GRIK3: variants seen among roughly 807,000 people sequenced by gnomAD.
The protein encoded by GRIK3 is glutamate receptor ionotropic, kainate 3.
A neutral mutation model predicts 102.5 loss-of-function variants in GRIK3; 29 were observed. The ratio of observed to expected loss-of-function variants is 0.28; its 90% confidence interval spans 0.21 to 0.39. The LOEUF (loss-of-function observed/expected upper bound fraction) is 0.39, where lower values mean the gene tolerates loss of function less well. GRIK3 is among the 10% of genes least tolerant of loss of function. The pLI is 1.00. For missense variants in GRIK3, 908 were observed against 1,252.4 expected (o/e 0.73, Z 4.15); for synonymous variants, 511 against 504.9 (o/e 1.01, Z -0.16).
intron 1 of GRIK3, among the ~76,000 whole-genome samples, chr1:36,968,419 G>A (rs1489709965): frequency 1.3e-5 from 2 of 152,142 alleles, no homozygotes; most frequent in African/African-American, 2.4e-5. Context: ...CATAAGGCAG[G>A]TCAGAAGCAC....
intron 13 of GRIK3, among the ~76,000 whole-genome samples, chr1:36,814,574 A>G (rs1215743337): frequency 6.9e-6 from 1 of 144,848 alleles, no homozygotes; most frequent in Non-Finnish European, 1.5e-5. Flanking sequence ...ATACATCCAG[A>G]CATATATACA....
intron 10 of GRIK3, among the ~76,000 whole-genome samples, chr1:36,830,425 A>G (rs1391597970): frequency 6.6e-6 from 1 of 151,708 alleles, no homozygotes. Flanking sequence ...TTATTTGGAA[A>G]TAAGGTTTTT....
intron 1 of GRIK3, among the ~76,000 whole-genome samples, chr1:36,973,107 A>G (rs956037353): frequency 6.6e-6 from 1 of 152,190 alleles, no homozygotes; most frequent in Non-Finnish European, 1.5e-5. Flanking sequence ...ATCTCCAGGC[A>G]GTCCCTTCAT....
intron 1 of GRIK3, among the ~76,000 whole-genome samples, chr1:36,918,751 T>C (rs1641433824): frequency 6.6e-6 from 1 of 152,184 alleles, no homozygotes; most frequent in South Asian, 2.1e-4. Context: ...TTGTGTGACC[T>C]TCAAGAGATG....
At chr1:36,949,870 C>A (rs1189291587) in intron 1 of GRIK3, among the ~76,000 whole-genome samples, 3 of 152,148 alleles carry the variant, frequency 2.0e-5, no homozygotes, top group Admixed American at 1.3e-4. Flanking sequence ...TAAGCCACCA[C>A]GCCTGGCCCT....
At chr1:36,836,567 G>A (rs958556114) in intron 10 of GRIK3, among the ~76,000 whole-genome samples, 1 of 152,220 alleles carries the variant, frequency 6.6e-6, no homozygotes, top group African/African-American at 2.4e-5. Context: ...GCGGATGTGT[G>A]GGTGGTGCAA....
intron 1 of GRIK3, among the ~76,000 whole-genome samples, chr1:37,024,676 G>A (rs1642749417): frequency 6.7e-6 from 1 of 148,584 alleles, no homozygotes; most frequent in Non-Finnish European, 1.5e-5. Context: ...CCAGGAAGTG[G>A]AGGTTGCAGT....
rs144041190 is a variant in GRIK3 at position 36,909,277 on chromosome 1, G to T, written c.116-18181C>A. ...AGTATTTACACCACAGAAATAAGCA[G>T]ATACTACAAATCAGGGCTTTTTTTT... On this transcript the variant is annotated intron_variant, in intron 1 of 15. Transcript: ENST00000373091. Among the ~76,000 whole-genome samples, 39 of 150,888 alleles carry T rather than the reference G, an allele frequency of 2.6e-4. 1 individual carries two copies. In the East Asian group the frequency reaches 6.6e-3, roughly 26 times the overall value.
At chr1:36,812,147 C>T (rs759909067) in intron 13 of GRIK3, among the ~76,000 whole-genome samples, 5 of 152,070 alleles carry the variant, frequency 3.3e-5, no homozygotes, top group Non-Finnish European at 7.4e-5. Context: ...TTCCTAGGCC[C>T]TCCAGCTCAA....
At chr1:37,027,152 C>A (rs1467204952) in intron 1 of GRIK3, among the ~76,000 whole-genome samples, 2 of 151,966 alleles carry the variant, frequency 1.3e-5, no homozygotes, top group African/African-American at 2.4e-5. Flanking sequence ...GGAGAAGGAC[C>A]TGGGCAGCTG....
chr1:36,924,668 C>A (rs1022414305), intron 1 of GRIK3, among the ~76,000 whole-genome samples: 2 of 152,284 alleles, frequency 1.3e-5, no homozygotes, highest in African/African-American at 4.8e-5. Context: ...TAGCTGTTTA[C>A]CCTGGGAAAG....
intron 1 of GRIK3, among the ~76,000 whole-genome samples, chr1:36,959,924 GTGTGCCCCATGACTC>G (rs1557442107): frequency 4.8e-5 from 3 of 62,598 alleles, no homozygotes; most frequent in African/African-American, 4.9e-5. Flanking sequence ...CTGTGAGCCT[GTGTGCCCCATGACTC>G]TGTGCCCTGT....
At chr1:36,846,738 T>TA (rs1640524037) in intron 9 of GRIK3, among the ~76,000 whole-genome samples, 1 of 152,214 alleles carries the variant, frequency 6.6e-6, no homozygotes, top group South Asian at 2.1e-4. Context: ...GAGCATCCCC[T>TA]AGGGCTCCAA....
chr1:36,835,585 T>C lies in GRIK3; in HGVS notation c.1530+6151A>G, dbSNP rs181403415. Among the ~76,000 whole-genome samples, 231 of 152,298 alleles carry C rather than the reference T, an allele frequency of 1.5e-3. 1 individual carries two copies. Among genetic ancestry groups the C allele is most frequent in the African/African-American group, 5.2e-3 (217 of 41,554 alleles). On this transcript the variant is annotated intron_variant, in intron 10 of 15. Transcript: ENST00000373091. Reference sequence around the variant, plus strand: ...CTTTCCCTGGCATCACAACCCCTAATTGAGTAATGGCATAATCCCCTGCCT... The same window carrying C: ...CTTTCCCTGGCATCACAACCCCTAACTGAGTAATGGCATAATCCCCTGCCT...
intron 1 of GRIK3, among the ~76,000 whole-genome samples, chr1:36,967,041 G>A (rs1557445062): frequency 6.6e-6 from 1 of 152,220 alleles, no homozygotes; most frequent in Admixed American, 6.5e-5. Context: ...TTATTACTAA[G>A]TATCAGGTCT....
chr1:36,841,986 G>T, intron 9 of GRIK3, 47 bp from the exon 10 acceptor site: 2 of 1,486,974 alleles, frequency 1.3e-6, no homozygotes, highest in African/African-American at 1.4e-5. Flanking sequence ...AGCAGCTAGG[G>T]CGGAGGCAGG....
intron 3 of GRIK3, among the ~76,000 whole-genome samples, chr1:36,876,014 A>G (rs1640909570): frequency 6.6e-6 from 1 of 152,222 alleles, no homozygotes; most frequent in Non-Finnish European, 1.5e-5. Context: ...TGAGCTATAC[A>G]GGATTGTCTT....
intron 1 of GRIK3, among the ~76,000 whole-genome samples, chr1:36,947,910 T>C (rs1029154401): frequency 6.6e-6 from 1 of 151,962 alleles, no homozygotes; most frequent in African/African-American, 2.4e-5. Context: ...TTCATGGCCA[T>C]CTCCGTGGGT....
intron 2 of GRIK3, among the ~76,000 whole-genome samples, chr1:36,890,290 C>A (rs1003605016): frequency 4.6e-5 from 7 of 152,048 alleles, no homozygotes; most frequent in African/African-American, 1.7e-4. Flanking sequence ...TGGTGAAACC[C>A]TATCTCTACT....
Sources: allele counts gnomAD v4.1 joint callset (sites outside exome capture counted in the v4.1 genomes callset), GRCh38; gene constraint gnomAD v4.1.1; transcripts MANE v1.5; gene names NCBI Gene and HGNC (gene_info 2026-07-23, HGNC 2026-07-21).